The following PARD3B variants were observed in gnomAD, a reference collection of about 807,000 sequenced individuals.
The protein encoded by PARD3B is par-3 family cell polarity regulator beta.
Under a neutral mutation model 130.2 loss-of-function variants are expected in PARD3B, and 103 were observed. The ratio of observed to expected loss-of-function variants is 0.79; its 90% CI spans 0.67 to 0.93. The LOEUF (loss-of-function observed/expected upper bound fraction) is 0.93, where lower values mean the gene tolerates loss of function less well. Ranked by LOEUF, PARD3B falls within the 40% of genes least tolerant of loss-of-function variation. The pLI, the probability that PARD3B is intolerant of heterozygous loss-of-function variation, is 0.00. For synonymous variants in PARD3B, 583 were observed against 553.2 expected, an observed-to-expected ratio of 1.05 and a Z score of -0.76; for missense variants, 1,609 against 1,499.2, an observed-to-expected ratio of 1.07 and a Z score of -1.21.
intron 1 of PARD3B, among the ~76,000 whole-genome samples, chr2:204,633,848 G>T (rs1365707225): frequency 6.6e-6 from 1 of 152,108 alleles, no homozygotes; most frequent in Non-Finnish European, 1.5e-5. Context: ...TTTTTAAAAG[G>T]TTTGTGGGTA....
chr2:204,685,598 T>C (rs1379886812), intron 1 of PARD3B, among the ~76,000 whole-genome samples: 1 of 152,216 alleles, frequency 6.6e-6, no homozygotes, highest in Non-Finnish European at 1.5e-5. Flanking sequence ...TTTGAGTTGC[T>C]GCCATGCTGC....
At chr2:204,579,363 TC>T (rs1317996831) in intron 1 of PARD3B, among the ~76,000 whole-genome samples, 1 of 151,920 alleles carries the variant, frequency 6.6e-6, no homozygotes, top group Non-Finnish European at 1.5e-5. Flanking sequence ...CGAGCAGCAG[TC>T]CCTTCTGGTT....
rs1433176156 is a variant in PARD3B, at chr2:204,545,973, G to A, written c.-27G>A. On this transcript the variant is annotated 5_prime_UTR_variant, in exon 1 of 23. Coordinates refer to ENST00000406610, the MANE Select transcript of PARD3B (RefSeq NM_001302769.2). ...GCGGGGTCAGACACCTGTTCGGCCCGGCCCGGCGTGGTCGCCGGGGGCCAG... is the reference window on the plus strand; with the variant it reads ...GCGGGGTCAGACACCTGTTCGGCCCAGCCCGGCGTGGTCGCCGGGGGCCAG... The A allele has an allele frequency of 5.8e-6, 9 of 1,543,544 alleles. No individual in the cohort carries two copies. The highest frequency in any genetic ancestry group is 5.5e-5 in the African/African-American group (4 of 72,510).
At chr2:205,554,510 A>G (rs925594448) in intron 22 of PARD3B, among the ~76,000 whole-genome samples, 1 of 152,212 alleles carries the variant, frequency 6.6e-6, no homozygotes, top group Non-Finnish European at 1.5e-5. Context: ...AAACTTTTAT[A>G]AAGTTATATT....
intron 20 of PARD3B, among the ~76,000 whole-genome samples, chr2:205,484,194 CTT>C (rs2049350941): frequency 1.3e-5 from 2 of 152,148 alleles, no homozygotes. Flanking sequence ...TTCAGCATAA[CTT>C]TTTGCTTTCA....
chr2:205,571,123 T>G (rs1183726086), intron 22 of PARD3B, among the ~76,000 whole-genome samples: 2 of 152,204 alleles, frequency 1.3e-5, no homozygotes, highest in Non-Finnish European at 2.9e-5. Context: ...TTTTATTCAT[T>G]CTTATTCTTA....
intron 18 of PARD3B, among the ~76,000 whole-genome samples, chr2:205,317,755 A>G (rs1275164549): frequency 6.6e-6 from 1 of 152,220 alleles, no homozygotes; most frequent in African/African-American, 2.4e-5. Flanking sequence ...ACAAATTTAA[A>G]AACCATATAC....
chr2:205,600,540 C>T (rs1450497457), intron 22 of PARD3B, among the ~76,000 whole-genome samples: 1 of 152,138 alleles, frequency 6.6e-6, no homozygotes, highest in Non-Finnish European at 1.5e-5. Context: ...ATGTGCAGGA[C>T]GTGCAAGTTT....
intron 15 of PARD3B, among the ~76,000 whole-genome samples, chr2:205,218,040 G>A (rs1452896792): frequency 6.6e-6 from 1 of 150,978 alleles, no homozygotes; most frequent in Non-Finnish European, 1.5e-5. Flanking sequence ...TTACAGACGT[G>A]CTTCACAATG....
At position 204,673,969 on chromosome 2, in the gene PARD3B, A is replaced by T. The variant is rs114796829; in HGVS notation, c.121-12212A>T. ...GTCTATATCAAAAGATCTAAGTCTC[A>T]AGATTTGAGCTTTTACTCAGTATCA... On this transcript the variant is annotated intron_variant, in intron 1 of 22. Transcript: ENST00000406610. This position sits in a 1 kb window ranked among gnomAD's most constrained non-coding sequence, Gnocchi z 4.7. Among the ~76,000 whole-genome samples the T allele has an allele frequency of 0.017, 2,545 of 152,214 alleles. 38 individuals are homozygous for T. The highest frequency in any genetic ancestry group is 0.071 in the Middle Eastern group (21 of 294).
chr2:204,997,229 C>T (rs1285711848), intron 3 of PARD3B, among the ~76,000 whole-genome samples: 1 of 152,046 alleles, frequency 6.6e-6, no homozygotes, highest in Admixed American at 6.6e-5. Flanking sequence ...TGTTCTTGGC[C>T]CTTTGTTCTT....
At chr2:205,072,500 C>A (rs1437428391) in intron 4 of PARD3B, among the ~76,000 whole-genome samples, 1 of 152,112 alleles carries the variant, frequency 6.6e-6, no homozygotes, top group Non-Finnish European at 1.5e-5. Flanking sequence ...ATCTACCCAC[C>A]GTGGCCTCCC....
At chr2:205,033,948 T>C (rs1028540509) in intron 3 of PARD3B, among the ~76,000 whole-genome samples, 2 of 152,174 alleles carry the variant, frequency 1.3e-5, no homozygotes, top group African/African-American at 4.8e-5. Flanking sequence ...GTTGTTGGTG[T>C]CACTTTTATG....
rs549340991 is a variant in PARD3B at position 204,820,388 on chromosome 2, T to C, written c.222+134106T>C. Among the ~76,000 whole-genome samples, 26 of 150,894 alleles carry C rather than the reference T, an allele frequency of 1.7e-4. No homozygotes were observed. The East Asian group carries it at 2.4e-3, about 14-fold the overall frequency. On this transcript the variant is annotated intron_variant, in intron 2 of 22. Coordinates refer to ENST00000406610, the MANE Select transcript of PARD3B (RefSeq NM_001302769.2). ...CACCATGCCCATCCTAAACAACAGA[T>C]TTTTATGTAGACAAAACAGCTCTCT...
intron 2 of PARD3B, among the ~76,000 whole-genome samples, chr2:204,913,306 C>A (rs2047315509): frequency 6.6e-6 from 1 of 152,130 alleles, no homozygotes; most frequent in East Asian, 1.9e-4. Flanking sequence ...GAATCAGATT[C>A]TCTGGGTTTG....
chr2:205,172,129 A>T (rs2035206264), intron 11 of PARD3B, 82 bp from the exon 12 acceptor site: 1 of 1,388,058 alleles, frequency 7.2e-7, no homozygotes, highest in Non-Finnish European at 9.8e-7. Context: ...TTCATTTTTA[A>T]ACTTGAACTT....
Position 205,270,948 on chromosome 2 carries a change from C to T in PARD3B, c.2185+25126C>T, listed in dbSNP as rs538839302. Reference sequence around the variant, plus strand: ...CAAAGGCTAGGAAGTAAGAACATACCGGATTTTCTCGCCTCTCCTCCAGAG... The same window carrying T: ...CAAAGGCTAGGAAGTAAGAACATACTGGATTTTCTCGCCTCTCCTCCAGAG... On this transcript the variant is annotated intron_variant, in intron 16 of 22. Transcript: ENST00000406610. Among the ~76,000 whole-genome samples the T allele has an allele frequency of 6.6e-5, 10 of 152,156 alleles. 1 individual carries two copies. In the East Asian group the frequency reaches 9.7e-4, roughly 15 times the overall value.
chr2:204,822,414 G>A (rs59658764), intron 2 of PARD3B, among the ~76,000 whole-genome samples: 17,231 of 152,124 alleles, frequency 0.11, 1,721 homozygotes, highest in African/African-American at 0.27. Context: ...AAATGACAAC[G>A]CAGGATTTAG....
chr2:204,783,142 A>C (rs936930732), intron 2 of PARD3B, among the ~76,000 whole-genome samples: 1 of 152,100 alleles, frequency 6.6e-6, no homozygotes, highest in Non-Finnish European at 1.5e-5. Flanking sequence ...TCTTTCAATG[A>C]TTTCATATCT....
Sources: allele counts gnomAD v4.1 joint callset (sites outside exome capture counted in the v4.1 genomes callset), GRCh38; gene constraint gnomAD v4.1.1; non-coding constraint Gnocchi (gnomAD v3.1); transcripts MANE v1.5; gene names NCBI Gene and HGNC (gene_info 2026-07-23, HGNC 2026-07-21).